The following KIAA1958 variants were observed in gnomAD, a reference collection of about 807,000 sequenced individuals.
KIAA1958 encodes the protein KIAA1958, also known as uncharacterized protein KIAA1958.
A neutral mutation model predicts 47.2 loss-of-function variants in KIAA1958; 14 were observed. The observed-to-expected ratio is 0.30, with a 90% CI of 0.20 to 0.46. The LOEUF (loss-of-function observed/expected upper bound fraction) is 0.46, where lower values mean the gene tolerates loss of function less well. KIAA1958 is among the 20% of genes least tolerant of loss of function. KIAA1958 has a pLI of 1.00. For synonymous variants in KIAA1958, 354 were observed against 353.3 expected (o/e 1.00, Z -0.02); for missense variants, 803 against 909.2 (o/e 0.88, Z 1.50).
intron 3 of KIAA1958, among the ~76,000 whole-genome samples, chr9:112,653,358 C>T (rs533290259): frequency 1.3e-5 from 2 of 152,282 alleles, no homozygotes; most frequent in East Asian, 1.9e-4. Flanking sequence ...TGGTCATCTA[C>T]GGCTCCATAA....
chr9:112,603,898 C>A (rs1267040075), intron 2 of KIAA1958, among the ~76,000 whole-genome samples: 1 of 152,134 alleles, frequency 6.6e-6, no homozygotes, highest in Non-Finnish European at 1.5e-5. Context: ...AGCTCATGGA[C>A]TTATCAGTCA....
At chr9:112,500,540 T>A (rs1234196789) in intron 1 of KIAA1958, among the ~76,000 whole-genome samples, 1 of 152,002 alleles carries the variant, frequency 6.6e-6, no homozygotes, top group African/African-American at 2.4e-5. Context: ...TCCTCCTGCC[T>A]TGGCCTCCCA....
rs1837367738 is a variant in KIAA1958, at chr9:112,667,616, AC to A, written c.*7549del. 6.6e-6 allele frequency: 1 copy of A among 152,152 alleles called. No homozygotes were observed. Among genetic ancestry groups the A allele is most frequent in the South Asian group, 2.1e-4 (1 of 4,826 alleles). 9.4% of individuals were successfully genotyped at this position (152,152 alleles called of 1,614,324 possible). A position where few individuals can be genotyped will look rare whatever the true frequency, so the allele number is the denominator to read the frequency against. ...AAAGTAACAAATTGCCTGTAAGAAA[AC>A]CAAAGAGCATCTGGCTTCAGACTTC... is the stretch of plus-strand genomic sequence containing the variant. On this transcript the variant is annotated 3_prime_UTR_variant, in exon 4 of 4. Coordinates refer to ENST00000337530, the MANE Select transcript of KIAA1958 (RefSeq NM_133465.4).
At chr9:112,608,099 T>C (rs1445537855) in intron 2 of KIAA1958, among the ~76,000 whole-genome samples, 3 of 152,214 alleles carry the variant, frequency 2.0e-5, no homozygotes, top group African/African-American at 7.2e-5. Flanking sequence ...TCCATTTAAT[T>C]ACAAGACTGA....
intron 1 of KIAA1958, among the ~76,000 whole-genome samples, chr9:112,553,793 A>G (rs1293363746): frequency 6.6e-6 from 1 of 152,200 alleles, no homozygotes; most frequent in African/African-American, 2.4e-5. Context: ...TATTTGTTTC[A>G]TTATGGGATT....
At position 112,668,273 on chromosome 9, in the gene KIAA1958, A is replaced by G. The variant is rs1837377283; in HGVS notation, c.*8204A>G. The G allele has an allele frequency of 1.3e-5, 2 of 152,222 alleles. No individual in the cohort carries two copies. The highest frequency in any genetic ancestry group is 1.3e-4 in the Admixed American group (2 of 15,272). 9.4% of individuals were successfully genotyped at this position (152,222 alleles called of 1,614,324 possible). On this transcript the variant is annotated 3_prime_UTR_variant, in exon 4 of 4. Coordinates refer to ENST00000337530, the MANE Select transcript of KIAA1958 (RefSeq NM_133465.4). ...TGGGTATAAAGTCAGAAAATTGCAGAATATAAGTCTGTGTTTCAAAAAGCA... is the reference window on the plus strand; with the variant it reads ...TGGGTATAAAGTCAGAAAATTGCAGGATATAAGTCTGTGTTTCAAAAAGCA...
chr9:112,561,407 A>G (rs1835327114), intron 1 of KIAA1958, among the ~76,000 whole-genome samples: 1 of 152,160 alleles, frequency 6.6e-6, no homozygotes, highest in Admixed American at 6.5e-5. Flanking sequence ...TTGTATCATT[A>G]GTTCTTTGTT....
At chr9:112,519,281 T>G (rs1328515139) in intron 1 of KIAA1958, among the ~76,000 whole-genome samples, 2 of 152,058 alleles carry the variant, frequency 1.3e-5, no homozygotes, top group Non-Finnish European at 2.9e-5. Flanking sequence ...CTATGAAACA[T>G]GTGTTTTTAC....
chr9:112,647,377 CTT>C (rs1421539100), intron 3 of KIAA1958, among the ~76,000 whole-genome samples: 1 of 152,078 alleles, frequency 6.6e-6, no homozygotes, highest in Non-Finnish European at 1.5e-5. Flanking sequence ...TGATAATACT[CTT>C]TTAAGGAAAA....
At chr9:112,646,415 G>A (rs1299239061) in intron 3 of KIAA1958, among the ~76,000 whole-genome samples, 1 of 152,220 alleles carries the variant, frequency 6.6e-6, no homozygotes, top group Non-Finnish European at 1.5e-5. Context: ...AAATCTGCAA[G>A]CATCCTAAGG....
chr9:112,628,709 T>TA lies in KIAA1958; in HGVS notation c.1172-16940dup, dbSNP rs1836661015. ...GGATTTATTTCCCACCTTTGGGTCT[T>TA]ACGTACATTTTGTATTTCTGTCCTG... On this transcript the variant is annotated intron_variant, in intron 2 of 3. Transcript: ENST00000337530. 2.0e-5 allele frequency among the ~76,000 whole-genome samples: 3 copies of TA among 152,338 alleles called. No individual in the cohort carries two copies. In the South Asian group the frequency reaches 6.2e-4, roughly 32 times the overall value.
At chr9:112,531,050 G>A (rs868620162) in intron 1 of KIAA1958, among the ~76,000 whole-genome samples, 1 of 152,182 alleles carries the variant, frequency 6.6e-6, no homozygotes, top group South Asian at 2.1e-4. Flanking sequence ...AAATGCTTAA[G>A]ATAACAAGAT....
At chr9:112,594,368 C>T (rs1835979410) in intron 2 of KIAA1958, among the ~76,000 whole-genome samples, 1 of 152,206 alleles carries the variant, frequency 6.6e-6, no homozygotes, top group Non-Finnish European at 1.5e-5. Flanking sequence ...GCCATCAGCA[C>T]TGTGTAATTC....
intron 3 of KIAA1958, among the ~76,000 whole-genome samples, chr9:112,651,382 T>G (rs1386292555): frequency 6.9e-6 from 1 of 144,198 alleles, no homozygotes; most frequent in African/African-American, 2.5e-5. Flanking sequence ...TTTATATTTC[T>G]CTATATATAT....
Position 112,664,542 on chromosome 9 carries a change from A to C in KIAA1958, c.*4473A>C, listed in dbSNP as rs2131259350. On this transcript the variant is annotated 3_prime_UTR_variant, in exon 4 of 4. Transcript: ENST00000337530. ...TCAGATAAGGCCCATACATAGTTAAAAGCTGGTAACAGCTCTGAACAGAAG... is the reference window on the plus strand; with the variant it reads ...TCAGATAAGGCCCATACATAGTTAACAGCTGGTAACAGCTCTGAACAGAAG... The C allele has an allele frequency of 6.6e-6, 1 of 152,344 alleles. No homozygotes were observed. Among genetic ancestry groups the C allele is most frequent in the African/African-American group, 2.4e-5 (1 of 41,582 alleles). The allele number at this position is 152,344 out of a possible 1,614,324, so 9.4% of individuals were successfully genotyped here. A position where few individuals can be genotyped will look rare whatever the true frequency, so the allele number is the denominator to read the frequency against.
At chr9:112,515,881 T>TAAAAA (rs1359427942) in intron 1 of KIAA1958, among the ~76,000 whole-genome samples, 1 of 20,914 alleles carries the variant, frequency 4.8e-5, no homozygotes, top group Non-Finnish European at 8.9e-5. Flanking sequence ...GAATTATCAA[T>TAAAAA]AAAAAAATAA....
At chr9:112,634,746 A>C (rs1194304366) in intron 2 of KIAA1958, among the ~76,000 whole-genome samples, 1 of 152,162 alleles carries the variant, frequency 6.6e-6, no homozygotes, top group Non-Finnish European at 1.5e-5. Flanking sequence ...GCATTGTGAT[A>C]AATGTCTGTT....
chr9:112,603,467 G>A (rs1050228934), intron 2 of KIAA1958, among the ~76,000 whole-genome samples: 11 of 151,978 alleles, frequency 7.2e-5, no homozygotes, highest in African/African-American at 2.7e-4. Context: ...CTATCCTACT[G>A]CCCTTCCTAA....
chr9:112,641,327 CT>C (rs1230148640), intron 2 of KIAA1958, among the ~76,000 whole-genome samples: 8,324 of 101,938 alleles, frequency 0.082, 238 homozygotes, highest in Middle Eastern at 0.12. Flanking sequence ...GAGACTATGT[CT>C]TTTTTTTTTT....
Sources: gnomAD v4.1 joint callset for allele counts (sites outside exome capture counted in the v4.1 genomes callset) on GRCh38, gnomAD v4.1.1 for gene constraint, MANE v1.5 for transcripts, NCBI Gene and HGNC (gene_info 2026-07-23, HGNC 2026-07-21) for gene names.